ZNF81: variants seen among roughly 807,000 people sequenced by gnomAD.
ZNF81 encodes zinc finger protein 81 (HFZ20).
Under a neutral mutation model 32.3 loss-of-function variants are expected in ZNF81, and 5 were observed. That is an observed-to-expected ratio of 0.15 (90% CI 0.08 to 0.33). The LOEUF (loss-of-function observed/expected upper bound fraction) is 0.33, where lower values mean the gene tolerates loss of function less well. Ranked by LOEUF, ZNF81 falls within the 10% of genes least tolerant of loss-of-function variation. ZNF81 has a pLI of 1.00. For missense variants in ZNF81, 379 were observed against 479.8 expected, an observed-to-expected ratio of 0.79 and a Z score of 1.96; for synonymous variants, 163 against 166.8, an observed-to-expected ratio of 0.98 and a Z score of 0.17.
chrX:47,847,358 G>A (rs2058475000), intron 2 of ZNF81, among the ~76,000 whole-genome samples: 1 of 111,560 alleles, frequency 9.0e-6, no homozygotes, highest in Non-Finnish European at 1.9e-5. Context: ...GGGACTACAG[G>A]TCCAAGCCGC....
chrX:47,894,316 C>T (rs73207816), intron 3 of ZNF81, among the ~76,000 whole-genome samples: 36,443 of 110,083 alleles, frequency 0.33, 4,880 homozygotes, highest in Non-Finnish European at 0.42. Context: ...GATCAGATAT[C>T]AAGGGTGATC....
intron 2 of ZNF81, among the ~76,000 whole-genome samples, chrX:47,851,213 CAA>C (rs2058494479): frequency 8.9e-6 from 1 of 112,154 alleles, no homozygotes; most frequent in South Asian, 3.7e-4. Context: ...TTAGTTAACA[CAA>C]GAGAGAGTAT....
intron 2 of ZNF81, among the ~76,000 whole-genome samples, chrX:47,847,496 G>A (rs2058475638): frequency 8.9e-6 from 1 of 112,149 alleles, no homozygotes; most frequent in South Asian, 3.7e-4. Context: ...TCACTTCTGG[G>A]CATCACTGTC....
At chrX:47,891,773 T>C (rs895507234) in intron 3 of ZNF81, among the ~76,000 whole-genome samples, 46 of 112,231 alleles carry the variant, frequency 4.1e-4, no homozygotes, top group African/African-American at 1.5e-3. Flanking sequence ...TTAGTGGCAG[T>C]TCAGAGCCAG....
chrX:47,849,730 A>G (rs782635216), intron 2 of ZNF81, among the ~76,000 whole-genome samples: 1 of 111,834 alleles, frequency 8.9e-6, no homozygotes, highest in East Asian at 2.8e-4. Flanking sequence ...GGGAGAAGAT[A>G]TAAACAACAG....
chrX:47,857,333 T>C (rs1016797535), intron 2 of ZNF81, among the ~76,000 whole-genome samples: 1 of 108,352 alleles, frequency 9.2e-6, no homozygotes, highest in African/African-American at 3.5e-5. Flanking sequence ...AGCATGAAAT[T>C]AAAAATAAAA....
chrX:47,857,992 C>T (rs551462442), intron 2 of ZNF81, among the ~76,000 whole-genome samples: 1 of 111,023 alleles, frequency 9.0e-6, no homozygotes, highest in South Asian at 3.8e-4. Context: ...GCCATTCTTA[C>T]TACCAAGGGT....
intron 2 of ZNF81, among the ~76,000 whole-genome samples, chrX:47,850,883 G>GCA (rs1200495761): frequency 2.9e-4 from 9 of 30,782 alleles, no homozygotes; most frequent in African/African-American, 7.0e-4. Context: ...TCATTCACAG[G>GCA]CACGCGCGCA....
At chrX:47,883,006 A>C (rs1294467224) in intron 2 of ZNF81, among the ~76,000 whole-genome samples, 2 of 112,408 alleles carry the variant, frequency 1.8e-5, no homozygotes, top group South Asian at 3.6e-4. Context: ...AAAAACAAAA[A>C]CAAAAAAAGA....
intron 1 of ZNF81, among the ~76,000 whole-genome samples, chrX:47,845,413 C>A (rs1233250389): frequency 1.8e-5 from 2 of 111,855 alleles, no homozygotes; most frequent in Non-Finnish European, 3.8e-5. Flanking sequence ...ACTTTAGTCC[C>A]AGGCTATTAA....
chrX:47,892,002 T>C (rs1269412881), intron 3 of ZNF81, among the ~76,000 whole-genome samples: 1 of 111,287 alleles, frequency 9.0e-6, no homozygotes, highest in East Asian at 2.8e-4. Context: ...TGGGAATTGA[T>C]TGAAGGGCTG....
intron 3 of ZNF81, among the ~76,000 whole-genome samples, chrX:47,894,991 G>A (rs1427375893): frequency 1.8e-5 from 2 of 111,508 alleles, no homozygotes; most frequent in South Asian, 3.7e-4. Context: ...TTTAGTTGAC[G>A]ATGTCGAGAT....
At position 47,868,154 on chromosome X, in the gene ZNF81, T is replaced by C. The variant is rs1172301788; in HGVS notation, c.55-19845T>C. Among the ~76,000 whole-genome samples the C allele has an allele frequency of 2.7e-5, 3 of 111,421 alleles. No homozygotes were observed. In the Admixed American group the frequency reaches 2.9e-4, roughly 11 times the overall value. ...CATTGCTTGCATTAGTCTAAATCAA[T>C]AGTAACACCAGGCATGTCAGTCCCC... On this transcript the variant is annotated intron_variant, in intron 2 of 4. Coordinates refer to ENST00000338637, the MANE Select transcript of ZNF81 (RefSeq NM_007137.5).
At chrX:47,872,453 C>T (rs984053135) in intron 2 of ZNF81, among the ~76,000 whole-genome samples, 4 of 111,153 alleles carry the variant, frequency 3.6e-5, no homozygotes, top group African/African-American at 1.3e-4. Flanking sequence ...TAGGAGAGTC[C>T]GGAAACCCTT....
rs1003241607 is a variant in ZNF81, at chrX:47,922,622, T to C, written c.*5990T>C. 8.9e-6 allele frequency among the ~76,000 whole-genome samples: 1 copy of C among 111,785 alleles called. No individual in the cohort carries two copies. The highest frequency in any genetic ancestry group is 3.7e-4 in the South Asian group (1 of 2,691). On this transcript the variant is annotated 3_prime_UTR_variant, in exon 5 of 5. Transcript: ENST00000338637. ...TTTATGTGACCTTGGGAAAGTTAGT[T>C]AACCTCTGTCCTGATGGTTTTCATC...
intron 1 of ZNF81, chrX:47,841,258 C>T (rs1317440663): frequency 1.9e-5 from 13 of 685,535 alleles, no homozygotes; most frequent in East Asian, 9.6e-5. Flanking sequence ...AATGAGTTCC[C>T]GGACAGACTT....
intron 2 of ZNF81, among the ~76,000 whole-genome samples, chrX:47,880,669 A>G (rs1369763109): frequency 8.9e-6 from 1 of 112,187 alleles, no homozygotes; most frequent in Non-Finnish European, 1.9e-5. Flanking sequence ...CTTGATATAT[A>G]AAACACTTCA....
In ZNF81 at chrX:47,915,059, A is replaced by G. The variant is rs782409597; in HGVS notation, c.413A>G (p.Gln138Arg). The G allele has an allele frequency of 1.7e-6, 2 of 1,209,091 alleles. No individual in the cohort carries two copies. The highest frequency in any genetic ancestry group is 2.2e-6 in the Non-Finnish European group (2 of 894,710). The change falls in exon 5 of 5, where the codon CAG (glutamine) becomes CGG (arginine). Residue 138 changes from glutamine (Q) to arginine (R), a missense_variant. This residue lies in a region of ZNF81 where 277 missense variants were observed against 306.6 expected (regional missense o/e 0.90). Coordinates refer to ENST00000338637, the MANE Select transcript of ZNF81 (RefSeq NM_007137.5). ...ILEELWQDAE[Q>R]IKRCQEKHNK... ...GAAGAATTGTGGCAAGATGCTGAAC[A>G]GATAAAGAGATGTCAGGAAAAACAC...
rs782347581 is a variant in ZNF81 at position 47,902,450 on chromosome X, A to G, written c.277+6510A>G. On this transcript the variant is annotated intron_variant, in intron 4 of 4. Coordinates refer to ENST00000338637, the MANE Select transcript of ZNF81 (RefSeq NM_007137.5). ...GAAGACTAGAACATGATAAACCAAT[A>G]TGATGTAATCGACATACATAGGTTA... Among the ~76,000 whole-genome samples the G allele has an allele frequency of 8.3e-4, 93 of 111,953 alleles. 2 individuals are homozygous for G. Among genetic ancestry groups the G allele is most frequent in the South Asian group, 7.3e-4 (2 of 2,742 alleles).
Sources: allele counts gnomAD v4.1 joint callset (sites outside exome capture counted in the v4.1 genomes callset), GRCh38; gene constraint gnomAD v4.1.1; regional missense constraint gnomAD v4.1.1; transcripts MANE v1.5; gene names NCBI Gene and HGNC (gene_info 2026-07-23, HGNC 2026-07-21).